Variants in ANK1 observed in about 807,000 individuals in gnomAD.
ANK1 encodes ankyrin 1.
A neutral mutation model predicts 210.4 loss-of-function variants in ANK1; 51 were observed. The observed-to-expected ratio is 0.24, with a 90% CI of 0.19 to 0.31. The LOEUF is 0.31. Among genes scored for constraint, ANK1 ranks in the 10% least tolerant of loss-of-function variants. The pLI is 1.00. For missense variants in ANK1, 2,051 were observed against 2,504.4 expected, an observed-to-expected ratio of 0.82 and a Z score of 3.86; for synonymous variants, 967 against 1,025.9, an observed-to-expected ratio of 0.94 and a Z score of 1.10.
upstream of ANK1, among the ~76,000 whole-genome samples, chr8:41,800,898 A>T (rs750581995): frequency 6.6e-6 from 1 of 151,890 alleles, no homozygotes; most frequent in Non-Finnish European, 1.5e-5. Context: ...TATTTTTAGT[A>T]GAGACGGGGT....
chr8:41,695,464 G>A (rs146550570), intron 26 of ANK1, 133 bp from the exon 27 acceptor site: 2 of 1,285,798 alleles, frequency 1.6e-6, no homozygotes, highest in Non-Finnish European at 2.2e-6. Flanking sequence ...CCACCTGCAG[G>A]CAGGTCTCTA....
intron 37 of ANK1, among the ~76,000 whole-genome samples, chr8:41,673,532 C>T (rs1042164627): frequency 6.6e-6 from 1 of 152,156 alleles, no homozygotes; most frequent in African/African-American, 2.4e-5. Flanking sequence ...CCTCAAGTTG[C>T]CTATTGGTTC....
At chr8:41,669,355 G>C (rs528157793) in intron 38 of ANK1, among the ~76,000 whole-genome samples, 49 of 152,054 alleles carry the variant, frequency 3.2e-4, no homozygotes, top group South Asian at 6.2e-4. Context: ...GCAGTGCAGT[G>C]GTACAATCAC....
intron 1 of ANK1, among the ~76,000 whole-genome samples, chr8:41,822,649 G>T (rs1257784101): frequency 6.6e-6 from 1 of 152,150 alleles, no homozygotes; most frequent in Non-Finnish European, 1.5e-5. Flanking sequence ...GTACACTGCT[G>T]GGTTCAAGGA....
At chr8:41,755,002 C>T (rs1181757653) in intron 2 of ANK1, among the ~76,000 whole-genome samples, 1 of 152,230 alleles carries the variant, frequency 6.6e-6, no homozygotes, top group South Asian at 2.1e-4. Context: ...TCCTGTCTTT[C>T]GTTCCCTTCT....
At chr8:41,893,529 A>G (rs191318467) in intron 1 of ANK1, among the ~76,000 whole-genome samples, 1 of 152,242 alleles carries the variant, frequency 6.6e-6, no homozygotes, top group Non-Finnish European at 1.5e-5. Flanking sequence ...TTCCCACACA[A>G]TATCATCAAC....
At chr8:41,841,105 A>G (rs1394488880) in intron 1 of ANK1, among the ~76,000 whole-genome samples, 2 of 152,228 alleles carry the variant, frequency 1.3e-5, no homozygotes, top group Non-Finnish European at 2.9e-5. Flanking sequence ...GCAGCCCCAC[A>G]TTCACTGCGG....
intron 3 of ANK1, 62 bp downstream of exon 3, chr8:41,733,909 A>C (rs1832803282): frequency 1.5e-6 from 2 of 1,363,676 alleles, no homozygotes; most frequent in Non-Finnish European, 2.1e-6. Flanking sequence ...ACTGGTTTCT[A>C]AGGAAGGACT....
intron 2 of ANK1, among the ~76,000 whole-genome samples, chr8:41,736,733 T>C (rs1351007462): frequency 2.0e-5 from 3 of 152,174 alleles, no homozygotes; most frequent in African/African-American, 7.2e-5. Context: ...CCGCTAATGC[T>C]CTGGGACGGC....
intron 1 of ANK1, among the ~76,000 whole-genome samples, chr8:41,767,538 G>C (rs767844682): frequency 6.6e-6 from 1 of 152,166 alleles, no homozygotes; most frequent in South Asian, 2.1e-4. Flanking sequence ...GCGCTCTCCC[G>C]CCCGCCAGCC....
At chr8:41,797,743 C>T, upstream of ANK1, 1 of 669,060 alleles carries the variant, frequency 1.5e-6, no homozygotes, top group Non-Finnish European at 2.3e-6. The surrounding 1 kb of genome is among the most constrained non-coding windows in gnomAD (Gnocchi z 4.0). Flanking sequence ...CTGGGGACCG[C>T]AGATTACAAG....
At chr8:41,796,363 C>T (rs1249111599) in intron 1 of ANK1, among the ~76,000 whole-genome samples, 1 of 151,992 alleles carries the variant, frequency 6.6e-6, no homozygotes, top group Non-Finnish European at 1.5e-5. Flanking sequence ...TTGCACGGGA[C>T]ACCTGCAGTC....
chr8:41,687,585 C>T (rs56378539), intron 35 of ANK1, among the ~76,000 whole-genome samples: 10,775 of 152,210 alleles, frequency 0.071, 841 homozygotes, highest in African/African-American at 0.2. Flanking sequence ...CTTGGGGAGA[C>T]GGATTTGAGG....
At chr8:41,666,992 G>C (rs1209487891) in intron 39 of ANK1, among the ~76,000 whole-genome samples, 1 of 152,208 alleles carries the variant, frequency 6.6e-6, no homozygotes, top group African/African-American at 2.4e-5. Context: ...TGACCACAGA[G>C]GGGCAGTGGA....
chr8:41,720,520 T>G (rs566390954), intron 9 of ANK1, among the ~76,000 whole-genome samples: 1 of 152,310 alleles, frequency 6.6e-6, no homozygotes, highest in Middle Eastern at 3.4e-3. Flanking sequence ...TAGACATTAA[T>G]TCAACACATA....
At chr8:41,875,104 T>C (rs1241464774) in intron 1 of ANK1, among the ~76,000 whole-genome samples, 1 of 152,000 alleles carries the variant, frequency 6.6e-6, no homozygotes, top group East Asian at 1.9e-4. Flanking sequence ...CTGGAAAGGG[T>C]ACGGGATGAC....
intron 2 of ANK1, among the ~76,000 whole-genome samples, chr8:41,744,581 G>A (rs1375567508): frequency 2.8e-5 from 4 of 143,876 alleles, no homozygotes; most frequent in African/African-American, 1.1e-4. Context: ...CTATTGCCCA[G>A]GCTGGAGTGC....
intron 31 of ANK1, among the ~76,000 whole-genome samples, chr8:41,691,179 T>G (rs963714368): frequency 6.6e-6 from 1 of 152,186 alleles, no homozygotes; most frequent in African/African-American, 2.4e-5. Flanking sequence ...TGGGCTATGA[T>G]GTCACAACTG....
chr8:41,846,451 G>A (rs1392560783), intron 1 of ANK1, among the ~76,000 whole-genome samples: 2 of 152,222 alleles, frequency 1.3e-5, no homozygotes, highest in Non-Finnish European at 2.9e-5. Context: ...GCTGCAGCTC[G>A]TGCAGACGTG....
Sources: allele counts gnomAD v4.1 joint callset (sites outside exome capture counted in the v4.1 genomes callset), GRCh38; gene constraint gnomAD v4.1.1; non-coding constraint Gnocchi (gnomAD v3.1); transcripts MANE v1.5; gene names NCBI Gene and HGNC (gene_info 2026-07-23, HGNC 2026-07-21).